AMD1: variants seen among roughly 807,000 people sequenced by gnomAD.
AMD1 encodes the protein adenosylmethionine decarboxylase 1.
A neutral mutation model predicts 40.2 loss-of-function variants in AMD1; 11 were observed. The observed-to-expected ratio is 0.27, with a 90% confidence interval of 0.17 to 0.45. The LOEUF is 0.45. AMD1 is among the 20% of genes least tolerant of loss of function. The pLI, the probability that AMD1 is intolerant of heterozygous loss-of-function variation, is 1.00. For synonymous variants in AMD1, 121 were observed against 130.8 expected (o/e 0.93, Z 0.51); for missense variants, 257 against 410.2 (o/e 0.63, Z 3.23).
At chr6:110,847,061 GTGGT>G in the AMD1 span, among the ~76,000 whole-genome samples, 12 of 139,590 alleles carry the variant, frequency 8.6e-5, no homozygotes, top group East Asian at 4.8e-4. Flanking sequence ...GTGTGTGTGT[GTGGT>G]GTGTGTGTGT....
chr6:110,839,776 T>A, the AMD1 span, among the ~76,000 whole-genome samples: 1 of 152,170 alleles, frequency 6.6e-6, no homozygotes. Context: ...CAATTATAAT[T>A]GGAGCTTAGG....
At chr6:110,847,152 A>G in the AMD1 span, among the ~76,000 whole-genome samples, 3 of 152,022 alleles carry the variant, frequency 2.0e-5, no homozygotes, top group African/African-American at 7.2e-5. Flanking sequence ...GGGGCTGGCT[A>G]AGCAAGTCTG....
the AMD1 span, among the ~76,000 whole-genome samples, chr6:110,855,065 C>CTCTTTT: frequency 2.5e-5 from 2 of 80,446 alleles, no homozygotes; most frequent in African/African-American, 4.9e-5. Flanking sequence ...CTCTCTCTCT[C>CTCTTTT]TTTTTTTTTT....
chr6:110,817,173 G>C, the AMD1 span, among the ~76,000 whole-genome samples: 1 of 152,172 alleles, frequency 6.6e-6, no homozygotes, highest in Non-Finnish European at 1.5e-5. Context: ...GAAGGGAATT[G>C]TCAATTCTAC....
chr6:110,814,880 C>A, the AMD1 span: 4 of 1,273,796 alleles, frequency 3.1e-6, no homozygotes, highest in Admixed American at 8.1e-5. Context: ...GGTGTCCGGA[C>A]GCAACCCCGC....
chr6:110,849,183 A>G, the AMD1 span, among the ~76,000 whole-genome samples: 2 of 152,208 alleles, frequency 1.3e-5, no homozygotes, highest in African/African-American at 4.8e-5. Flanking sequence ...AGTTAAAGGT[A>G]TTGGCGTATT....
At chr6:110,864,837 C>T in the AMD1 span, among the ~76,000 whole-genome samples, 3 of 152,298 alleles carry the variant, frequency 2.0e-5, no homozygotes, top group Admixed American at 1.3e-4. Flanking sequence ...TGCCAAAATG[C>T]GTTTATAAAA....
At chr6:110,821,398 A>G in the AMD1 span, among the ~76,000 whole-genome samples, 2 of 152,054 alleles carry the variant, frequency 1.3e-5, no homozygotes, top group Non-Finnish European at 2.9e-5. Context: ...AGAGTTCAAG[A>G]CCAGCCTGGC....
At chr6:110,831,422 G>A in the AMD1 span, among the ~76,000 whole-genome samples, 16 of 150,702 alleles carry the variant, frequency 1.1e-4, no homozygotes, top group African/African-American at 3.7e-4. Flanking sequence ...CTGGGCGACA[G>A]TGCAAGACTC....
At chr6:110,817,730 A>T in the AMD1 span, among the ~76,000 whole-genome samples, 1 of 152,232 alleles carries the variant, frequency 6.6e-6, no homozygotes, top group Non-Finnish European at 1.5e-5. Context: ...TTAAACCTGA[A>T]AAAACAAATA....
At chr6:110,857,108 G>A in the AMD1 span, among the ~76,000 whole-genome samples, 2 of 151,934 alleles carry the variant, frequency 1.3e-5, no homozygotes, top group African/African-American at 2.4e-5. Context: ...AGGTTGCGGG[G>A]AGCACAGATT....
chr6:110,838,598 C>G, the AMD1 span, among the ~76,000 whole-genome samples: 1 of 151,818 alleles, frequency 6.6e-6, no homozygotes, highest in African/African-American at 2.4e-5. Flanking sequence ...GTGGGTCACG[C>G]CTGTAATCCT....
chr6:110,858,592 G>A, the AMD1 span: 2 of 1,585,218 alleles, frequency 1.3e-6, no homozygotes, highest in Non-Finnish European at 1.7e-6. Context: ...GGAACATGAC[G>A]CAGCTGCAGG....
chr6:110,844,129 C>T, the AMD1 span, among the ~76,000 whole-genome samples: 6 of 152,032 alleles, frequency 3.9e-5, no homozygotes, highest in East Asian at 2.0e-4. Flanking sequence ...CAGTGGCTCA[C>T]GCCTGTAATC....
At chr6:110,815,290 T>C in the AMD1 span, 2 of 807,226 alleles carry the variant, frequency 2.5e-6, no homozygotes, top group East Asian at 7.1e-5. Context: ...CGGTCCGCCT[T>C]CAGCAAGGGA....
At chr6:110,844,349 G>A in the AMD1 span, among the ~76,000 whole-genome samples, 2 of 151,722 alleles carry the variant, frequency 1.3e-5, no homozygotes, top group African/African-American at 4.8e-5. Flanking sequence ...GTAGAGACGG[G>A]GTTTTGTCAT....
intron 4 of AMD1, chr6:110,891,425 G>T (rs979435932): frequency 2.0e-5 from 3 of 152,154 alleles, no homozygotes; most frequent in African/African-American, 7.2e-5. Context: ...TTTTAAAATT[G>T]CACAGTGTAA....
At chr6:110,815,135 A>G in the AMD1 span, 1 of 1,590,922 alleles carries the variant, frequency 6.3e-7, no homozygotes, top group Non-Finnish European at 8.5e-7. Flanking sequence ...ATCATAATCC[A>G]TTGTCTGCTT....
At chr6:110,874,626 CG>C (rs1251689951), upstream of AMD1, 1 of 154,814 alleles carries the variant, frequency 6.5e-6, no homozygotes, top group African/African-American at 2.4e-5. Flanking sequence ...GGCAGCTCCC[CG>C]CGCTCTCCGC....
Sources: gnomAD v4.1 joint callset for allele counts (sites outside exome capture counted in the v4.1 genomes callset) on GRCh38, gnomAD v4.1.1 for gene constraint, MANE v1.5 for transcripts, NCBI Gene and HGNC (gene_info 2026-07-23, HGNC 2026-07-21) for gene names.